Variants in STPG2 observed in about 807,000 individuals in gnomAD.
The protein encoded by STPG2 is sperm-tail PG-rich repeat-containing protein 2.
STPG2 carries 56 observed loss-of-function variants against 54.2 expected under a neutral mutation model. The observed-to-expected ratio is 1.03, with a 90% CI of 0.83 to 1.29. The LOEUF (loss-of-function observed/expected upper bound fraction) is 1.29, where lower values mean the gene tolerates loss of function less well. STPG2 is among the 50% of genes most tolerant of loss of function. The probability of loss-of-function intolerance (pLI) is 0.00; values close to 1 mark genes in which losing one functional copy is unlikely to be tolerated. For synonymous variants in STPG2, 200 were observed against 181.8 expected (o/e 1.10, Z -0.81); for missense variants, 596 against 544.9 (o/e 1.09, Z -0.93).
intron 8 of STPG2, among the ~76,000 whole-genome samples, chr4:97,844,182 A>G (rs529550520): frequency 3.4e-4 from 51 of 152,014 alleles, no homozygotes; most frequent in African/African-American, 1.1e-3. Context: ...ATACTCTCTG[A>G]TCTCAGACAT....
At chr4:97,899,014 C>T (rs1453598761) in intron 8 of STPG2, among the ~76,000 whole-genome samples, 2 of 151,434 alleles carry the variant, frequency 1.3e-5, no homozygotes, top group African/African-American at 4.8e-5. Flanking sequence ...CCAAAAGGAA[C>T]AGAGAGGAAG....
At chr4:98,121,290 T>C (rs1314674939) in intron 3 of STPG2, among the ~76,000 whole-genome samples, 2 of 152,236 alleles carry the variant, frequency 1.3e-5, no homozygotes, top group Non-Finnish European at 2.9e-5. Flanking sequence ...TTGGTTAATG[T>C]AGCCTTGTAA....
chr4:97,678,833 T>A (rs1026426758), intron 10 of STPG2, among the ~76,000 whole-genome samples: 18 of 147,776 alleles, frequency 1.2e-4, no homozygotes, highest in African/African-American at 4.5e-4. Flanking sequence ...TGTCCATGTG[T>A]TCTCATTGTT....
chr4:97,694,065 A>C (rs1723471907), intron 10 of STPG2, among the ~76,000 whole-genome samples: 1 of 152,188 alleles, frequency 6.6e-6, no homozygotes, highest in Admixed American at 6.5e-5. Flanking sequence ...AAAAGTCTTA[A>C]AGAGCACAAA....
intron 5 of STPG2, among the ~76,000 whole-genome samples, chr4:98,053,324 G>A (rs1737382536): frequency 6.6e-6 from 1 of 152,076 alleles, no homozygotes; most frequent in Admixed American, 6.6e-5. Context: ...CATGCAACAA[G>A]AGATCCACTC....
At chr4:97,605,646 C>T (rs77769063) in intron 10 of STPG2, among the ~76,000 whole-genome samples, 2,425 of 151,538 alleles carry the variant, frequency 0.016, 50 homozygotes, top group African/African-American at 0.056. Flanking sequence ...GTTGTTGATG[C>T]TAATAGGAAA....
intron 9 of STPG2, among the ~76,000 whole-genome samples, chr4:97,816,955 ATATATATTATATATTT>A (rs1019439462): frequency 6.8e-6 from 1 of 147,352 alleles, no homozygotes; most frequent in Non-Finnish European, 1.5e-5. Flanking sequence ...TGTGTAGAAA[ATATATATTATATATTT>A]TATATATTAT....
intron 9 of STPG2, among the ~76,000 whole-genome samples, chr4:97,806,545 G>T (rs2149093956): frequency 6.6e-6 from 1 of 151,978 alleles, no homozygotes; most frequent in East Asian, 2.0e-4. Context: ...AAATAAAAAA[G>T]CTCTCTTAAA....
chr4:98,135,236 G>A (rs936650305), intron 1 of STPG2, among the ~76,000 whole-genome samples: 1 of 151,724 alleles, frequency 6.6e-6, no homozygotes, highest in African/African-American at 2.4e-5. Context: ...GAAAATGTGT[G>A]CTACTGTAAG....
chr4:97,998,996 CTCTT>C (rs939779034), intron 5 of STPG2, among the ~76,000 whole-genome samples: 18 of 143,776 alleles, frequency 1.3e-4, no homozygotes, highest in African/African-American at 3.7e-4. Flanking sequence ...AACTTTAATG[CTCTT>C]TCTATTTGTA....
At chr4:97,548,184 A>T (rs1270265420) in intron 4 of STPG2, among the ~76,000 whole-genome samples, 1 of 150,052 alleles carries the variant, frequency 6.7e-6, no homozygotes, top group African/African-American at 2.4e-5. Context: ...ATACATGAGT[A>T]GTCTGCACAG....
In STPG2 at chr4:98,143,213, G is replaced by C. The variant is rs1740353593; in HGVS notation, c.-63C>G. The C allele has an allele frequency of 3.8e-6, 5 of 1,315,460 alleles. No homozygotes were observed. The highest frequency in any genetic ancestry group is 5.3e-6 in the Non-Finnish European group (5 of 936,884). The allele number at this position is 1,315,460 out of a possible 1,614,324, so 81.5% of individuals were successfully genotyped here. On this transcript the variant is annotated 5_prime_UTR_variant, in exon 1 of 11. Transcript: ENST00000295268. Reference sequence around the variant, plus strand: ...TGCCGAAAACGATAAAAACAAGGTAGCTAGAAGTGTGGAGAAAAAGGAAGC... The same window carrying C: ...TGCCGAAAACGATAAAAACAAGGTACCTAGAAGTGTGGAGAAAAAGGAAGC...
At chr4:97,967,547 G>C (rs1734153014) in intron 7 of STPG2, among the ~76,000 whole-genome samples, 1 of 152,108 alleles carries the variant, frequency 6.6e-6, no homozygotes, top group African/African-American at 2.4e-5. Flanking sequence ...CAAATCAACA[G>C]AATATACATT....
chr4:98,060,860 G>A, intron 5 of STPG2, among the ~76,000 whole-genome samples: 1 of 152,188 alleles, frequency 6.6e-6, no homozygotes, highest in African/African-American at 2.4e-5. Flanking sequence ...TAACTGGCTA[G>A]CCTTATATAG....
intron 3 of STPG2, among the ~76,000 whole-genome samples, chr4:98,120,709 T>C (rs1473722187): frequency 6.6e-6 from 1 of 152,254 alleles, no homozygotes; most frequent in Non-Finnish European, 1.5e-5. Flanking sequence ...AAATATCTTC[T>C]TTTGAGGAGT....
chr4:97,765,754 C>A (rs114625176), intron 9 of STPG2, among the ~76,000 whole-genome samples: 1 of 152,054 alleles, frequency 6.6e-6, no homozygotes, highest in Non-Finnish European at 1.5e-5. Context: ...AGTCAGACAA[C>A]CTGAACAATT....
At chr4:98,058,913 C>T (rs1737560377) in intron 5 of STPG2, among the ~76,000 whole-genome samples, 1 of 151,354 alleles carries the variant, frequency 6.6e-6, no homozygotes, top group Admixed American at 6.6e-5. Context: ...AAATTAACAA[C>T]CTAAAGAATC....
chr4:97,760,258 G>T (rs1413672983), intron 9 of STPG2, among the ~76,000 whole-genome samples: 1 of 152,148 alleles, frequency 6.6e-6, no homozygotes, highest in Non-Finnish European at 1.5e-5. Flanking sequence ...AAGAACTGTG[G>T]TTTAGATTTT....
chr4:97,629,365 TTAAGA>T (rs1230061647), intron 10 of STPG2, among the ~76,000 whole-genome samples: 1 of 152,048 alleles, frequency 6.6e-6, no homozygotes, highest in Non-Finnish European at 1.5e-5. Context: ...CTTTTGCTAC[TTAAGA>T]TAAAAAACTG....
Sources: gnomAD v4.1 joint callset for allele counts (sites outside exome capture counted in the v4.1 genomes callset) on GRCh38, gnomAD v4.1.1 for gene constraint, MANE v1.5 for transcripts, NCBI Gene and HGNC (gene_info 2026-07-23, HGNC 2026-07-21) for gene names.